TNC: variants seen among roughly 807,000 people sequenced by gnomAD.
The protein encoded by TNC is tenascin C.
A neutral mutation model predicts 202.4 loss-of-function variants in TNC; 109 were observed. The observed-to-expected ratio is 0.54, with a 90% confidence interval of 0.46 to 0.63. TNC has a LOEUF of 0.63. Ranked by LOEUF, TNC falls within the 30% of genes least tolerant of loss-of-function variation. The probability of loss-of-function intolerance (pLI) is 0.00; values close to 1 mark genes in which losing one functional copy is unlikely to be tolerated. For synonymous variants in TNC, 1,007 were observed against 1,089.7 expected (o/e 0.92, Z 1.50); for missense variants, 2,756 against 2,833.3 (o/e 0.97, Z 0.62).
intron 13 of TNC, among the ~76,000 whole-genome samples, chr9:115,060,218 T>C (rs1204252534): frequency 6.6e-6 from 1 of 152,172 alleles, no homozygotes; most frequent in Non-Finnish European, 1.5e-5. Flanking sequence ...CTACATGGTT[T>C]ATCCTTGAGA....
rs754478194 is a variant in TNC, at chr9:115,064,026, C to G, written c.3530G>C (p.Gly1177Ala). The change falls in exon 12 of 28, where the codon GGC becomes GCC. Residue 1177 changes from glycine (G) to alanine (A), a missense_variant. This residue lies in a region of TNC where 2,559 missense variants were observed against 2,546.0 expected (regional missense o/e 1.01). Transcript: ENST00000350763. ...NLGEVVVAEV[G>A]WDALKLNWTA... The stretch of plus-strand genomic sequence containing the variant: ...CCAGTTGAGTTTGAGGGCATCCCAG[C>G]CCACCTCGGCCACCACGACCTCTCC... The G allele has an allele frequency of 6.2e-7, 1 of 1,613,248 alleles. No homozygotes were observed. The highest frequency in any genetic ancestry group is 8.5e-7 in the Non-Finnish European group (1 of 1,179,582).
rs188342631 is a variant in TNC at position 115,090,691 on chromosome 9, C to A, written c.328G>T (p.Ala110Ser). ...FTHRINIPRR[A>S]CGCAAAPDVK... is the part of the protein sequence containing the mutation. Reference sequence around the variant, plus strand: ...TCAGGGGCTGCGGCACAGCCACAGGCCCGGCGGGGGATGTTGATGCGATGT... The same window carrying A: ...TCAGGGGCTGCGGCACAGCCACAGGACCGGCGGGGGATGTTGATGCGATGT... Residue 110 changes from alanine to serine, a missense_variant, in exon 2 of 28, where the codon GCC becomes TCC. Physicochemically the swap from Ala to Ser is moderately conservative, Grantham distance 99 (BLOSUM62 1). Around this residue, in one of 2 missense-constraint regions of TNC, gnomAD observed 2,559 missense variants for 2,546.0 expected, o/e 1.01. Coordinates refer to ENST00000350763, the MANE Select transcript of TNC (RefSeq NM_002160.4). 1.2e-6 allele frequency: 2 copies of A among 1,614,162 alleles called. No individual in the cohort carries two copies. Among genetic ancestry groups the A allele is most frequent in the African/African-American group, 2.7e-5 (2 of 75,060 alleles).
rs1244390379 is a variant in TNC at position 115,028,921 on chromosome 9, T to C, written c.6169+439A>G. On this transcript the variant is annotated intron_variant, in intron 25 of 27. Coordinates refer to ENST00000350763, the MANE Select transcript of TNC (RefSeq NM_002160.4). Reference sequence around the variant, plus strand: ...AAATACTAAAGCTCTCAACATTATCTCTGAAAAAAAAAAAAAAAAAAAAAA... The same window carrying C: ...AAATACTAAAGCTCTCAACATTATCCCTGAAAAAAAAAAAAAAAAAAAAAA... Among the ~76,000 whole-genome samples, 4 of 77,876 alleles carry C rather than the reference T, an allele frequency of 5.1e-5. No homozygotes were observed. In the East Asian group the frequency reaches 1.3e-3, roughly 24 times the overall value. The allele number at this position is 77,876 out of a possible 152,430, so 51.1% of individuals were successfully genotyped here. A position where few individuals can be genotyped will look rare whatever the true frequency, so the allele number is the denominator to read the frequency against.
intron 15 of TNC, among the ~76,000 whole-genome samples, chr9:115,055,193 A>T (rs1359110037): frequency 1.3e-5 from 2 of 152,234 alleles, no homozygotes; most frequent in African/African-American, 4.8e-5. Flanking sequence ...AGATGAAAAG[A>T]TGATTTAGAA....
chr9:115,046,008 AGATAT>A (rs1177786722), intron 17 of TNC, among the ~76,000 whole-genome samples: 2 of 152,094 alleles, frequency 1.3e-5, no homozygotes, highest in African/African-American at 4.8e-5. Flanking sequence ...TAAAATGATG[AGATAT>A]GATATGATGA....
chr9:115,068,479 C>T (rs1455796871), intron 10 of TNC, among the ~76,000 whole-genome samples: 4 of 152,204 alleles, frequency 2.6e-5, no homozygotes, highest in African/African-American at 9.6e-5. Context: ...GATTCTCCCA[C>T]AGCAGGGGCA....
chr9:115,056,141 C>T (rs184135615), intron 15 of TNC, among the ~76,000 whole-genome samples: 2 of 152,280 alleles, frequency 1.3e-5, no homozygotes, highest in Non-Finnish European at 2.9e-5. Context: ...ATTTCCCAGA[C>T]CATGAGTCCC....
At chr9:115,082,109 C>G (rs1834350373) in intron 5 of TNC, among the ~76,000 whole-genome samples, 181 bp from the exon 6 acceptor site, 1 of 152,222 alleles carries the variant, frequency 6.6e-6, no homozygotes, top group Admixed American at 6.5e-5. Flanking sequence ...AGACATTTCT[C>G]TAGTTTGTTT....
rs373591852 is a variant in TNC at position 115,085,898 on chromosome 9, G to C, written c.1833C>G (p.Cys611Trp). Residue 611 changes from cysteine to tryptophan, a missense_variant, in exon 3 of 28, where the codon TGC becomes TGG. This residue lies in a region of TNC where 2,559 missense variants were observed against 2,546.0 expected (regional missense o/e 1.01). Transcript: ENST00000350763. ...AGTCTTCTCCGCTGTAGCCCTCGTT[G>C]CAGATGCAGCGGCCCGAGACGCATT... ...LGQCVSGRCI[C>W]NEGYSGEDCS... 7 of 1,612,480 alleles carry C rather than the reference G, an allele frequency of 4.3e-6. No individual in the cohort carries two copies. Among genetic ancestry groups the C allele is most frequent in the Non-Finnish European group, 5.9e-6 (7 of 1,178,730 alleles).
chr9:115,057,218 A>G lies in TNC; in HGVS notation c.4514T>C (p.Ile1505Thr). 1 of 1,614,198 alleles carries G rather than the reference A, an allele frequency of 6.2e-7. No homozygotes were observed. The highest frequency in any genetic ancestry group is 8.5e-7 in the Non-Finnish European group (1 of 1,180,030). ...GGGAGCAAGTCCAGAGAGGTAGACAATAAAATCAGTACTAGGGGGTAGCCC... is the reference window on the plus strand; with the variant it reads ...GGGAGCAAGTCCAGAGAGGTAGACAGTAAAATCAGTACTAGGGGGTAGCCC... Reference protein sequence around the residue: ...ISGLPPSTDFIVYLSGLAPSI... With the variant: ...ISGLPPSTDFTVYLSGLAPSI... Residue 1505 changes from isoleucine (I) to threonine (T), a missense_variant, in exon 15 of 28, where the codon ATT (isoleucine) becomes ACT (threonine). Physicochemically the swap from Ile to Thr is moderately conservative, Grantham distance 89. Around this residue, in one of 2 missense-constraint regions of TNC, gnomAD observed 2,559 missense variants for 2,546.0 expected, o/e 1.01. Coordinates refer to ENST00000350763, the MANE Select transcript of TNC (RefSeq NM_002160.4).
At chr9:115,113,728 C>T (rs926911467) in intron 1 of TNC, among the ~76,000 whole-genome samples, 6 of 152,096 alleles carry the variant, frequency 3.9e-5, no homozygotes, top group African/African-American at 7.2e-5. Flanking sequence ...TCTGAGACGA[C>T]GTGGCATGAA....
chr9:115,029,530 G>T, intron 24 of TNC, 74 bp from the exon 25 acceptor site: 1 of 1,405,198 alleles, frequency 7.1e-7, no homozygotes, highest in Non-Finnish European at 1.0e-6. Context: ...AGAGGAAGGA[G>T]TGTGGCACTG....
rs368039977 is a variant in TNC, at chr9:115,029,355, A to G, written c.6169+5T>C. The G allele has an allele frequency of 3.0e-5, 48 of 1,613,844 alleles. No individual in the cohort carries two copies. In the African/African-American group the frequency reaches 5.6e-4, roughly 19 times the overall value. ...TTTAGATATAAACATGCAGGGCTGC[A>G]TTACCAAGCCAGAATTCTTCTCTGC... is the stretch of plus-strand genomic sequence containing the variant. On this transcript the variant is annotated splice_donor_5th_base_variant and intron_variant, in intron 25 of 27. Transcript: ENST00000350763.
chr9:115,095,037 T>G (rs1371699290), intron 1 of TNC, among the ~76,000 whole-genome samples: 1 of 152,116 alleles, frequency 6.6e-6, no homozygotes, highest in African/African-American at 2.4e-5. Flanking sequence ...AGAATGGCAT[T>G]GAAGGGCACA....
At chr9:115,091,622 C>T (rs1478900199) in intron 1 of TNC, among the ~76,000 whole-genome samples, 7 of 152,118 alleles carry the variant, frequency 4.6e-5, no homozygotes, top group Non-Finnish European at 8.8e-5. Flanking sequence ...GTTATAAAGG[C>T]CCTGGTCCCG....
chr9:115,031,999 C>T (rs1490847911), intron 22 of TNC, among the ~76,000 whole-genome samples: 3 of 152,130 alleles, frequency 2.0e-5, no homozygotes, highest in Non-Finnish European at 4.4e-5. Flanking sequence ...TACCACCTGC[C>T]CAAGGCCCTG....
At chr9:115,064,962 A>G (rs1376657275) in intron 10 of TNC, 43 bp from the exon 11 acceptor site, 1 of 1,584,030 alleles carries the variant, frequency 6.3e-7, no homozygotes, top group African/African-American at 1.3e-5. Context: ...TATTCCTCAG[A>G]AAGTTTTGCT....
In TNC at chr9:115,088,790, C is replaced by T. The variant is rs376750177; in HGVS notation, c.458-1517G>A. ...CACATGTGGTTATTAGGCATTGAAA[C>T]GTGGCTAGTCTAAATTGAGATGTTC... On this transcript the variant is annotated intron_variant, in intron 2 of 27. Coordinates refer to ENST00000350763, the MANE Select transcript of TNC (RefSeq NM_002160.4). Among the ~76,000 whole-genome samples, 9 of 151,894 alleles carry T rather than the reference C, an allele frequency of 5.9e-5. No individual in the cohort carries two copies. The South Asian group carries it at 1.9e-3, about 32-fold the overall frequency.
Position 115,064,031 on chromosome 9 carries a change from C to T in TNC, c.3525G>A (p.Glu1175=). Reference sequence around the variant, plus strand: ...TGAGTTTGAGGGCATCCCAGCCCACCTCGGCCACCACGACCTCTCCCAAAT... The same window carrying T: ...TGAGTTTGAGGGCATCCCAGCCCACTTCGGCCACCACGACCTCTCCCAAAT... ...TPNLGEVVVA[E]VGWDALKLNW... The change falls in exon 12 of 28, where the codon GAG becomes GAA. Residue 1175 remains glutamate (E), a synonymous_variant. Coordinates refer to ENST00000350763, the MANE Select transcript of TNC (RefSeq NM_002160.4). The T allele has an allele frequency of 6.2e-7, 1 of 1,613,116 alleles. No homozygotes were observed. Among genetic ancestry groups the T allele is most frequent in the Non-Finnish European group, 8.5e-7 (1 of 1,179,410 alleles).
Sources: allele counts gnomAD v4.1 joint callset (sites outside exome capture counted in the v4.1 genomes callset), GRCh38; gene constraint gnomAD v4.1.1; regional missense constraint gnomAD v4.1.1; transcripts MANE v1.5; gene names NCBI Gene and HGNC (gene_info 2026-07-23, HGNC 2026-07-21).